Variants in CNTN6 observed in about 807,000 individuals in gnomAD.
The protein encoded by CNTN6 is contactin-6.
In CNTN6, 137 loss-of-function variants were observed where a neutral mutation model predicts 122.8. That is an observed-to-expected ratio of 1.12 (90% CI 0.97 to 1.29). The LOEUF (loss-of-function observed/expected upper bound fraction) is 1.29, where lower values mean the gene tolerates loss of function less well. Among genes scored for constraint, CNTN6 ranks in the 50% most tolerant of loss-of-function variants. The probability of loss-of-function intolerance (pLI) is 0.00; values close to 1 mark genes in which losing one functional copy is unlikely to be tolerated. For synonymous variants in CNTN6, 570 were observed against 426.0 expected, an observed-to-expected ratio of 1.34 and a Z score of -4.16; for missense variants, 1,634 against 1,223.4, an observed-to-expected ratio of 1.34 and a Z score of -5.01.
chr3:1,113,425 A>G (rs936099344), intron 1 of CNTN6, among the ~76,000 whole-genome samples: 3 of 152,208 alleles, frequency 2.0e-5, no homozygotes, highest in African/African-American at 7.2e-5. Flanking sequence ...GAAGATAAGT[A>G]AATAACAAAT....
intron 11 of CNTN6, among the ~76,000 whole-genome samples, chr3:1,336,839 T>C (rs1703146521): frequency 6.6e-6 from 1 of 152,094 alleles, no homozygotes; most frequent in Non-Finnish European, 1.5e-5. Flanking sequence ...GACACCTTCC[T>C]CTTGGACACT....
At chr3:1,307,694 G>C (rs1250785429) in intron 7 of CNTN6, among the ~76,000 whole-genome samples, 1 of 152,064 alleles carries the variant, frequency 6.6e-6, no homozygotes, top group Admixed American at 6.6e-5. Context: ...CAGAATCTCA[G>C]ACATTTCTTG....
At chr3:1,241,834 C>G (rs1009582108) in intron 4 of CNTN6, among the ~76,000 whole-genome samples, 1 of 152,162 alleles carries the variant, frequency 6.6e-6, no homozygotes, top group African/African-American at 2.4e-5. Flanking sequence ...GCCTGGAGGA[C>G]TGATAAAGTT....
chr3:1,338,898 C>G (rs1057241453), intron 11 of CNTN6, among the ~76,000 whole-genome samples: 6 of 151,966 alleles, frequency 3.9e-5, no homozygotes, highest in Non-Finnish European at 7.4e-5. Flanking sequence ...CACACCCACA[C>G]CTTCTAATGC....
chr3:1,386,151 A>G (rs1692879318), intron 20 of CNTN6, among the ~76,000 whole-genome samples: 1 of 152,196 alleles, frequency 6.6e-6, no homozygotes, highest in Non-Finnish European at 1.5e-5. Context: ...TTGCCTACCT[A>G]TAAAATGAGG....
At chr3:1,250,677 T>C (rs2094650940) in intron 4 of CNTN6, among the ~76,000 whole-genome samples, 1 of 152,092 alleles carries the variant, frequency 6.6e-6, no homozygotes, top group Non-Finnish European at 1.5e-5. Context: ...TTCCCAATCC[T>C]CCGCAGCTTG....
chr3:1,372,578 T>C, intron 13 of CNTN6, 104 bp downstream of exon 13: 1 of 983,876 alleles, frequency 1.0e-6, no homozygotes, highest in South Asian at 1.8e-5. Flanking sequence ...GCATGGATAA[T>C]CACTGACTGT....
intron 7 of CNTN6, among the ~76,000 whole-genome samples, chr3:1,315,782 G>A (rs922484612): frequency 1.3e-5 from 2 of 151,880 alleles, no homozygotes; most frequent in Non-Finnish European, 2.9e-5. Flanking sequence ...CCCTTGTCAT[G>A]ATGAAGTGAA....
chr3:1,244,866 CTTCTT>C (rs2094538854), intron 4 of CNTN6, among the ~76,000 whole-genome samples: 1 of 134,106 alleles, frequency 7.5e-6, no homozygotes, highest in Non-Finnish European at 1.6e-5. Flanking sequence ...TACAAAGAAC[CTTCTT>C]AAGGGTGGGG....
intron 2 of CNTN6, among the ~76,000 whole-genome samples, chr3:1,192,722 T>G (rs1186040978): frequency 6.6e-6 from 1 of 152,116 alleles, no homozygotes; most frequent in Non-Finnish European, 1.5e-5. Context: ...ACACCCCTGT[T>G]GTGCTCATAT....
intron 4 of CNTN6, among the ~76,000 whole-genome samples, chr3:1,253,780 A>ACTCAC (rs1454601666): frequency 6.6e-6 from 1 of 152,038 alleles, no homozygotes; most frequent in African/African-American, 2.4e-5. Context: ...CTCACCTGCC[A>ACTCAC]CTCACCTCAC....
At position 1,388,315 on chromosome 3, in the gene CNTN6, A is replaced by G. The variant is rs996434854; in HGVS notation, c.2704+2518A>G. 2.0e-5 allele frequency among the ~76,000 whole-genome samples: 3 copies of G among 146,478 alleles called. 1 individual carries two copies. The highest frequency in any genetic ancestry group is 4.5e-5 in the Non-Finnish European group (3 of 65,960). ...CAGCAGGGGCACACTGACACCTCAC[A>G]CGGCAGGGTATGCCAACAGACCTGA... On this transcript the variant is annotated intron_variant, in intron 20 of 22. Coordinates refer to ENST00000446702, the MANE Select transcript of CNTN6 (RefSeq NM_001289080.2).
At chr3:1,327,172 A>G (rs1701653697) in intron 9 of CNTN6, among the ~76,000 whole-genome samples, 1 of 151,902 alleles carries the variant, frequency 6.6e-6, no homozygotes, top group African/African-American at 2.4e-5. Context: ...AGTATTCCAA[A>G]TTACTATGTA....
intron 2 of CNTN6, among the ~76,000 whole-genome samples, chr3:1,216,402 G>C (rs551386706): frequency 6.6e-6 from 1 of 151,992 alleles, no homozygotes; most frequent in Non-Finnish European, 1.5e-5. Context: ...GTTGTTTTTG[G>C]TTTTTTTCTT....
chr3:1,249,312 A>G (rs2125656677), intron 4 of CNTN6, among the ~76,000 whole-genome samples: 1 of 152,276 alleles, frequency 6.6e-6, no homozygotes, highest in South Asian at 2.1e-4. Context: ...TTTATTAAGC[A>G]CCTACCATAT....
At chr3:1,204,749 C>T (rs551640733) in intron 2 of CNTN6, among the ~76,000 whole-genome samples, 1 of 152,226 alleles carries the variant, frequency 6.6e-6, no homozygotes, top group South Asian at 2.1e-4. Flanking sequence ...ATTGCTGTTG[C>T]TCTTGTTTTT....
At chr3:1,162,453 A>G (rs2093158264) in intron 2 of CNTN6, among the ~76,000 whole-genome samples, 1 of 152,174 alleles carries the variant, frequency 6.6e-6, no homozygotes, top group African/African-American at 2.4e-5. Flanking sequence ...ATCACCAATC[A>G]CAGAGGGAGA....
intron 3 of CNTN6, among the ~76,000 whole-genome samples, chr3:1,221,576 G>A (rs190196059): frequency 1.3e-5 from 2 of 152,182 alleles, no homozygotes; most frequent in East Asian, 3.9e-4. Flanking sequence ...ACCTATATTT[G>A]TTTCTCACAT....
intron 13 of CNTN6, 73 bp downstream of exon 13, chr3:1,372,547 T>C (rs1168367176): frequency 4.9e-6 from 6 of 1,231,888 alleles, no homozygotes; most frequent in Non-Finnish European, 6.8e-6. Context: ...TTTTTCATAG[T>C]TACTCTCTCC....
Sources: gnomAD v4.1 joint callset for allele counts (sites outside exome capture counted in the v4.1 genomes callset) on GRCh38, gnomAD v4.1.1 for gene constraint, MANE v1.5 for transcripts, NCBI Gene and HGNC (gene_info 2026-07-23, HGNC 2026-07-21) for gene names.